DLG2: variants seen among roughly 807,000 people sequenced by gnomAD.
The protein encoded by DLG2 is discs large MAGUK scaffold protein 2.
DLG2 carries 45 observed loss-of-function variants against 132.5 expected under a neutral mutation model. That is an observed-to-expected ratio of 0.34 (90% CI 0.27 to 0.44). DLG2 has a LOEUF of 0.44. Ranked by LOEUF, DLG2 falls within the 20% of genes least tolerant of loss-of-function variation. The pLI, the probability that DLG2 is intolerant of heterozygous loss-of-function variation, is 1.00. For missense variants in DLG2, 1,045 were observed against 1,196.9 expected (o/e 0.87, Z 1.87); for synonymous variants, 424 against 419.6 (o/e 1.01, Z -0.13).
intron 3 of DLG2, among the ~76,000 whole-genome samples, chr11:85,326,272 C>A (rs1343950529): frequency 7.0e-6 from 1 of 143,182 alleles, no homozygotes; most frequent in African/African-American, 2.6e-5. Flanking sequence ...ATACAGAGAA[C>A]GCCACAAAGA....
At chr11:83,866,925 G>T (rs1198239853) in intron 16 of DLG2, among the ~76,000 whole-genome samples, 2 of 152,130 alleles carry the variant, frequency 1.3e-5, no homozygotes, top group Admixed American at 1.3e-4. Context: ...TCCTAGTCCT[G>T]CTGGGCAAAC....
intron 3 of DLG2, among the ~76,000 whole-genome samples, chr11:85,523,630 G>A (rs79159126): frequency 0.035 from 5,399 of 152,224 alleles, 145 homozygotes; most frequent in Admixed American, 0.053. Flanking sequence ...CACTGCCAGC[G>A]AGAATGTAAA....
upstream of DLG2, chr11:85,627,526 G>A (rs867222951): frequency 6.6e-6 from 1 of 152,170 alleles, no homozygotes; most frequent in East Asian, 1.9e-4. Flanking sequence ...GAGACTTCGA[G>A]AGAAGCCAAA....
Position 85,436,096 on chromosome 11 carries a change from C to T in DLG2, c.41-150731G>A, listed in dbSNP as rs532252706. 1.4e-4 allele frequency among the ~76,000 whole-genome samples: 21 copies of T among 152,212 alleles called. No individual in the cohort carries two copies. In the South Asian group the frequency reaches 4.2e-3, roughly 30 times the overall value. On this transcript the variant is annotated intron_variant, in intron 3 of 27. Coordinates refer to ENST00000376104, the MANE Select transcript of DLG2 (RefSeq NM_001142699.3). Reference sequence around the variant, plus strand: ...CTGTTTAATAAATGGTGTGGGAAAACTGGTTAGCCATACGCAGGGCACTGA... The same window carrying T: ...CTGTTTAATAAATGGTGTGGGAAAATTGGTTAGCCATACGCAGGGCACTGA...
At chr11:84,952,447 G>A (rs2051072184) in intron 6 of DLG2, among the ~76,000 whole-genome samples, 1 of 152,148 alleles carries the variant, frequency 6.6e-6, no homozygotes, top group Non-Finnish European at 1.5e-5. Context: ...AACCCGGAAG[G>A]CGGAGCTTGC....
chr11:84,538,805 C>T (rs1264135067), intron 6 of DLG2, among the ~76,000 whole-genome samples: 2 of 152,078 alleles, frequency 1.3e-5, no homozygotes, highest in Non-Finnish European at 2.9e-5. Flanking sequence ...TAATACTCTG[C>T]CCAGTGCCAA....
chr11:85,122,454 T>C (rs2152369539), intron 5 of DLG2, among the ~76,000 whole-genome samples: 1 of 152,312 alleles, frequency 6.6e-6, no homozygotes, highest in South Asian at 2.1e-4. Flanking sequence ...AAACCAAATG[T>C]TATTGATTAT....
At chr11:83,835,976 T>C (rs893338145) in intron 16 of DLG2, among the ~76,000 whole-genome samples, 1 of 152,126 alleles carries the variant, frequency 6.6e-6, no homozygotes, top group African/African-American at 2.4e-5. Flanking sequence ...TCATAAGGAA[T>C]TGGCTTATGT....
intron 6 of DLG2, among the ~76,000 whole-genome samples, chr11:84,959,549 T>C (rs2052222853): frequency 6.6e-6 from 1 of 152,216 alleles, no homozygotes; most frequent in Admixed American, 6.5e-5. Flanking sequence ...CCTCAGTCTT[T>C]TACTTCTGCA....
At chr11:85,166,901 C>CTATATAT (rs2078490928) in intron 4 of DLG2, among the ~76,000 whole-genome samples, 1 of 151,868 alleles carries the variant, frequency 6.6e-6, no homozygotes, top group Non-Finnish European at 1.5e-5. Context: ...TATACATATC[C>CTATATAT]GAAAAGTTTC....
intron 9 of DLG2, among the ~76,000 whole-genome samples, chr11:84,106,243 G>A (rs568306781): frequency 6.6e-6 from 1 of 152,192 alleles, no homozygotes; most frequent in Non-Finnish European, 1.5e-5. Flanking sequence ...ACTTTGAAAA[G>A]TAAATCTGGA....
intron 6 of DLG2, among the ~76,000 whole-genome samples, chr11:84,910,585 A>G (rs2091961941): frequency 6.6e-6 from 1 of 152,210 alleles, no homozygotes; most frequent in African/African-American, 2.4e-5. Context: ...GAGAGACTCA[A>G]TTAATGTTTA....
chr11:85,413,520 A>T (rs945773256), intron 3 of DLG2, among the ~76,000 whole-genome samples: 5 of 151,908 alleles, frequency 3.3e-5, no homozygotes, highest in Non-Finnish European at 7.4e-5. Context: ...TATATTCTAG[A>T]ATTTTTAGAG....
chr11:84,838,115 A>T (rs907134520), intron 6 of DLG2, among the ~76,000 whole-genome samples: 3 of 151,958 alleles, frequency 2.0e-5, no homozygotes, highest in Non-Finnish European at 2.9e-5. Context: ...AATATTAACT[A>T]AGCTCCTATT....
intron 9 of DLG2, among the ~76,000 whole-genome samples, chr11:84,120,897 T>C (rs1030681279): frequency 6.6e-6 from 1 of 152,244 alleles, no homozygotes; most frequent in Non-Finnish European, 1.5e-5. Context: ...ATTCAGTCAC[T>C]AATTATGTGG....
At chr11:84,281,515 T>C (rs1173512768) in intron 7 of DLG2, among the ~76,000 whole-genome samples, 2 of 152,008 alleles carry the variant, frequency 1.3e-5, no homozygotes, top group Non-Finnish European at 2.9e-5. Context: ...TATGTATACA[T>C]GTGCCATGCT....
At chr11:85,202,293 G>T (rs1249019109) in intron 4 of DLG2, among the ~76,000 whole-genome samples, 1 of 152,030 alleles carries the variant, frequency 6.6e-6, no homozygotes, top group Non-Finnish European at 1.5e-5. Flanking sequence ...AGACAAAGAG[G>T]ATTCTCAAAG....
intron 24 of DLG2, among the ~76,000 whole-genome samples, chr11:83,469,762 A>G (rs564176046): frequency 2.6e-5 from 4 of 152,314 alleles, no homozygotes; most frequent in Admixed American, 2.6e-4. Flanking sequence ...ACATTTTAAA[A>G]GGTTACTCTA....
chr11:84,910,103 T>C (rs889355864), intron 6 of DLG2, among the ~76,000 whole-genome samples: 1 of 152,022 alleles, frequency 6.6e-6, no homozygotes, highest in African/African-American at 2.4e-5. Flanking sequence ...AGGGAGGAAA[T>C]TGGAGGTGGG....
Sources: gnomAD v4.1 joint callset for allele counts (sites outside exome capture counted in the v4.1 genomes callset) on GRCh38, gnomAD v4.1.1 for gene constraint, MANE v1.5 for transcripts, NCBI Gene and HGNC (gene_info 2026-07-23, HGNC 2026-07-21) for gene names.